Variants in RANBP2 observed in about 807,000 individuals in gnomAD.
The protein encoded by RANBP2 is E3 SUMO-protein ligase RanBP2.
Under a neutral mutation model 303.6 loss-of-function variants are expected in RANBP2, and 57 were observed. That is an observed-to-expected ratio of 0.19 (90% CI 0.15 to 0.23). The LOEUF is 0.23. Among genes scored for constraint, RANBP2 ranks in the 10% least tolerant of loss-of-function variants. The pLI is 1.00. For synonymous variants in RANBP2, 1,167 were observed against 1,301.5 expected (o/e 0.90, Z 2.23); for missense variants, 3,138 against 3,780.8 (o/e 0.83, Z 4.46).
At chr2:109,291,580 C>T in the RANBP2 span, among the ~76,000 whole-genome samples, 7 of 152,222 alleles carry the variant, frequency 4.6e-5, no homozygotes, top group African/African-American at 1.7e-4. Context: ...CTGCCACTGT[C>T]CCTGTGATCT....
the RANBP2 span, among the ~76,000 whole-genome samples, chr2:109,527,855 A>G: frequency 2.4e-4 from 37 of 152,354 alleles, no homozygotes; most frequent in African/African-American, 7.9e-4. Context: ...CACCAGGGAA[A>G]GAAGCCACTG....
At chr2:108,789,585 T>G (rs546079989), downstream of RANBP2, among the ~76,000 whole-genome samples, 9 of 152,224 alleles carry the variant, frequency 5.9e-5, no homozygotes, top group Admixed American at 5.2e-4. Context: ...TGAGCAAAAC[T>G]GTCCTGAAGA....
chr2:108,787,943 T>A (rs1679184392), downstream of RANBP2: 1 of 1,108,492 alleles, frequency 9.0e-7, no homozygotes, highest in African/African-American at 1.6e-5. Context: ...CTCTAACCTT[T>A]GTAATTAATA....
At chr2:109,190,177 ATT>A in the RANBP2 span, among the ~76,000 whole-genome samples, 1 of 145,568 alleles carries the variant, frequency 6.9e-6, no homozygotes, top group East Asian at 2.0e-4. Context: ...TTGACATCCT[ATT>A]TTTTTTTTTT....
chr2:109,092,075 T>C, the RANBP2 span, among the ~76,000 whole-genome samples: 1 of 152,050 alleles, frequency 6.6e-6, no homozygotes, highest in Non-Finnish European at 1.5e-5. Flanking sequence ...GAGTTCTTGG[T>C]TAGGGATCTG....
the RANBP2 span, chr2:108,812,699 T>A: frequency 6.2e-7 from 1 of 1,609,630 alleles, no homozygotes; most frequent in Non-Finnish European, 8.5e-7. Flanking sequence ...CTCGTTTAGA[T>A]AATTTACAGG....
the RANBP2 span, among the ~76,000 whole-genome samples, chr2:109,739,561 G>T: frequency 1.3e-5 from 2 of 151,934 alleles, no homozygotes; most frequent in African/African-American, 4.8e-5. Flanking sequence ...ACTGATTTTT[G>T]TTTTTTGATC....
chr2:109,497,636 A>G, the RANBP2 span, among the ~76,000 whole-genome samples: 1 of 152,162 alleles, frequency 6.6e-6, no homozygotes, highest in Non-Finnish European at 1.5e-5. Flanking sequence ...CTGTGTCTAT[A>G]ACGGGGAGTA....
the RANBP2 span, among the ~76,000 whole-genome samples, chr2:109,707,149 A>T: frequency 6.6e-5 from 10 of 152,344 alleles, no homozygotes; most frequent in African/African-American, 2.2e-4. Context: ...TTATATAAAC[A>T]ATTTTAACTT....
At chr2:109,134,481 C>A in the RANBP2 span, among the ~76,000 whole-genome samples, 1 of 152,292 alleles carries the variant, frequency 6.6e-6, no homozygotes, top group Non-Finnish European at 1.5e-5. Flanking sequence ...AGTGAATAAT[C>A]TAAATTATTA....
At chr2:109,799,333 TC>T in the RANBP2 span, among the ~76,000 whole-genome samples, 102 of 53,126 alleles carry the variant, frequency 1.9e-3, no homozygotes, top group South Asian at 6.4e-3. Flanking sequence ...TTGCTATAGT[TC>T]TTTTTTTTTT....
intron 18 of RANBP2, among the ~76,000 whole-genome samples, chr2:108,759,198 T>C (rs1676545594): frequency 6.6e-6 from 1 of 152,018 alleles, no homozygotes; most frequent in African/African-American, 2.4e-5. Flanking sequence ...GTGTTTACTG[T>C]GGGTTGGCTA....
the RANBP2 span, among the ~76,000 whole-genome samples, chr2:109,120,506 C>G: frequency 3.9e-5 from 6 of 152,128 alleles, no homozygotes; most frequent in African/African-American, 9.7e-5. Context: ...CCTCCACCCC[C>G]AGGGTATCAG....
At chr2:109,584,214 C>T in the RANBP2 span, among the ~76,000 whole-genome samples, 5 of 152,270 alleles carry the variant, frequency 3.3e-5, no homozygotes, top group East Asian at 3.9e-4. Flanking sequence ...CAGTTGCTCA[C>T]GCCTGTAATC....
the RANBP2 span, among the ~76,000 whole-genome samples, chr2:109,497,379 C>T: frequency 6.6e-6 from 1 of 152,132 alleles, no homozygotes; most frequent in Non-Finnish European, 1.5e-5. Context: ...GGGAAGCAGA[C>T]GACCCCCAAG....
the RANBP2 span, chr2:109,760,477 C>G: frequency 4.1e-6 from 4 of 969,068 alleles, no homozygotes; most frequent in Non-Finnish European, 4.9e-6. Flanking sequence ...GCTCGCTGCT[C>G]TCTCTTGAGT....
chr2:109,469,724 A>C, the RANBP2 span, among the ~76,000 whole-genome samples: 2 of 152,198 alleles, frequency 1.3e-5, no homozygotes, highest in Non-Finnish European at 2.9e-5. Flanking sequence ...AGAACGCTGA[A>C]AAGCTTAACC....
chr2:109,662,596 T>A, the RANBP2 span, among the ~76,000 whole-genome samples: 1 of 152,186 alleles, frequency 6.6e-6, no homozygotes, highest in South Asian at 2.1e-4. Flanking sequence ...ATTCTTGTAT[T>A]TTTAGGGTTT....
the RANBP2 span, among the ~76,000 whole-genome samples, chr2:109,218,400 A>G: frequency 6.6e-6 from 1 of 152,172 alleles, no homozygotes; most frequent in East Asian, 1.9e-4. Context: ...TGTTCTAGAA[A>G]CAGTCTTTGA....
Sources: gnomAD v4.1 joint callset for allele counts (sites outside exome capture counted in the v4.1 genomes callset) on GRCh38, gnomAD v4.1.1 for gene constraint, MANE v1.5 for transcripts, NCBI Gene and HGNC (gene_info 2026-07-23, HGNC 2026-07-21) for gene names.